Variants in TLE3 observed in about 807,000 individuals in gnomAD.
TLE3 encodes TLE family member 3, transcriptional corepressor.
A neutral mutation model predicts 93.0 loss-of-function variants in TLE3; 14 were observed. That is an observed-to-expected ratio of 0.15 (90% CI 0.10 to 0.24). TLE3 has a LOEUF of 0.24. TLE3 is among the 10% of genes least tolerant of loss of function. TLE3 has a pLI of 1.00. For synonymous variants in TLE3, 451 were observed against 425.0 expected, an observed-to-expected ratio of 1.06 and a Z score of -0.75; for missense variants, 693 against 1,046.6, an observed-to-expected ratio of 0.66 and a Z score of 4.66.
intron 1 of TLE3, chr15:70,096,497 G>A (rs1278313902): frequency 8.4e-7 from 1 of 1,186,846 alleles, no homozygotes; most frequent in Admixed American, 2.3e-5. Flanking sequence ...GTAAGGCGGG[G>A]GCGGGAGACA....
At chr15:70,054,298 AC>A in intron 16 of TLE3, 139 bp downstream of exon 16, 1 of 1,255,242 alleles carries the variant, frequency 8.0e-7, no homozygotes, top group South Asian at 1.5e-5. Flanking sequence ...CTGTCTTTTC[AC>A]CTGTGCATCC....
chr15:70,074,693 G>C, intron 5 of TLE3, 86 bp from the exon 6 acceptor site: 5 of 1,161,962 alleles, frequency 4.3e-6, no homozygotes, highest in Non-Finnish European at 6.1e-6. Flanking sequence ...AGGGCCTCTC[G>C]GAGAGGCCCA....
intron 2 of TLE3, chr15:70,095,932 G>A (rs1416693209): frequency 2.6e-5 from 17 of 644,872 alleles, no homozygotes; most frequent in South Asian, 1.6e-4. Context: ...CGCTCGCCGC[G>A]ACCTAGACCC....
chr15:70,079,224 T>C, intron 4 of TLE3: 1 of 345,970 alleles, frequency 2.9e-6, no homozygotes. Flanking sequence ...ATCGCAACAA[T>C]GCCACACAGA....
intron 13 of TLE3, among the ~76,000 whole-genome samples, chr15:70,056,946 A>C (rs2056087702): frequency 6.6e-6 from 1 of 152,070 alleles, no homozygotes; most frequent in Non-Finnish European, 1.5e-5. Context: ...ATGAGGTTTC[A>C]CCACGTTGGC....
rs116575909 is a variant in TLE3, at chr15:70,051,022, C to T, written c.2202+369G>A. On this transcript the variant is annotated intron_variant, in intron 19 of 19. Coordinates refer to ENST00000451782, the MANE Select transcript of TLE3 (RefSeq NM_001105192.3). ...ACTCACTTGAGGAGGCAACACTGCT[C>T]TGGGCAAGGCTGCCGGGTGCCCAGG... 2.6e-3 allele frequency: 462 copies of T among 176,542 alleles called. 4 individuals are homozygous for T. Among genetic ancestry groups the T allele is most frequent in the African/African-American group, 0.011 (445 of 42,054 alleles). The allele number at this position is 176,542 out of a possible 1,614,324, so 10.9% of individuals were successfully genotyped here.
At chr15:70,063,422 G>A (rs936246958) in intron 8 of TLE3, among the ~76,000 whole-genome samples, 2 of 152,208 alleles carry the variant, frequency 1.3e-5, no homozygotes, top group African/African-American at 2.4e-5. Flanking sequence ...TGAGCATGTA[G>A]GCGGGTCAAG....
intron 4 of TLE3, among the ~76,000 whole-genome samples, chr15:70,077,927 T>C (rs1477458831): frequency 2.6e-5 from 4 of 152,178 alleles, no homozygotes; most frequent in South Asian, 2.1e-4. Context: ...GGACTCCACA[T>C]TGACACATGT....
chr15:70,089,719 G>T (rs940979294), intron 4 of TLE3, among the ~76,000 whole-genome samples: 3 of 152,198 alleles, frequency 2.0e-5, no homozygotes, highest in Non-Finnish European at 2.9e-5. Flanking sequence ...CCAAGCTTAG[G>T]TCTTTGTCAC....
intron 4 of TLE3, among the ~76,000 whole-genome samples, chr15:70,076,472 A>C (rs533631354): frequency 2.6e-5 from 4 of 152,304 alleles, no homozygotes; most frequent in African/African-American, 9.6e-5. Flanking sequence ...AGCAAAACGA[A>C]ATAAAAATCA....
chr15:70,053,113 T>A, intron 17 of TLE3, 114 bp downstream of exon 17: 1 of 1,383,162 alleles, frequency 7.2e-7, no homozygotes, highest in Non-Finnish European at 9.7e-7. Context: ...TGGTCCCAAG[T>A]CTCTTGGCCG....
intron 3 of TLE3, 163 bp downstream of exon 3, chr15:70,095,415 G>C: frequency 6.7e-7 from 1 of 1,489,344 alleles, no homozygotes; most frequent in East Asian, 2.5e-5. Flanking sequence ...CCCGGCAATG[G>C]AAGCTGGGGA....
At position 70,097,414 on chromosome 15, in the gene TLE3, T is replaced by C. The variant is rs967407790; in HGVS notation, c.-616A>G. ...GGCGCGGGCGCTTCGACGCCCCCCC[T>C]CGGAGAGGAGAGCCTGCTGTTCCGT... On this transcript the variant is annotated 5_prime_UTR_variant, in exon 1 of 20. Transcript: ENST00000451782. 1 of 410,410 alleles carries C rather than the reference T, an allele frequency of 2.4e-6. No homozygotes were observed. Among genetic ancestry groups the C allele is most frequent in the East Asian group, 3.6e-5 (1 of 28,116 alleles). 25.4% of individuals were successfully genotyped at this position (410,410 alleles called of 1,614,324 possible).
intron 19 of TLE3, chr15:70,051,184 G>A (rs2055502387): frequency 2.1e-6 from 1 of 475,402 alleles, no homozygotes; most frequent in African/African-American, 2.0e-5. Context: ...ATCAGTAGCA[G>A]ATTGTGTGTC....
At chr15:70,061,869 A>C (rs980812285) in intron 8 of TLE3, among the ~76,000 whole-genome samples, 8 of 150,432 alleles carry the variant, frequency 5.3e-5, no homozygotes, top group African/African-American at 2.0e-4. Flanking sequence ...CCCAGTCCCC[A>C]TGCAACACAG....
rs530193783 is a variant in TLE3, at chr15:70,076,147, C to T, written c.246G>A (p.Ala82=). 2.2e-5 allele frequency: 35 copies of T among 1,613,970 alleles called. No homozygotes were observed. The East Asian group carries it at 3.8e-4, about 17-fold the overall frequency. Residue 82 remains alanine, a synonymous_variant, in exon 5 of 20, where the codon GCG becomes GCA. Transcript: ENST00000451782. ...NIEMHKQTEI[A]KRLNTILAQI... ...GTGCTAAAATTGTGTTCAGTCTCTT[C>T]GCAATCTCTGTCTGCAAAGGCAAGG... is the stretch of plus-strand genomic sequence containing the variant.
At chr15:70,092,726 C>T (rs2058363150) in intron 4 of TLE3, among the ~76,000 whole-genome samples, 1 of 152,208 alleles carries the variant, frequency 6.6e-6, no homozygotes, top group Non-Finnish European at 1.5e-5. Context: ...ACTCTTCCTG[C>T]GTTCACAGCA....
intron 17 of TLE3, chr15:70,053,021 G>GA: frequency 1.7e-6 from 1 of 580,342 alleles, no homozygotes. Flanking sequence ...TCCACAGTTG[G>GA]GCCAAATGTG....
In TLE3 at chr15:70,057,619, T is replaced by A. The variant is rs1233537980; in HGVS notation, c.1091A>T (p.Tyr364Phe). 1.3e-6 allele frequency: 2 copies of A among 1,588,186 alleles called. No individual in the cohort carries two copies. The highest frequency in any genetic ancestry group is 2.3e-5 in the East Asian group (1 of 43,934). Reference protein sequence around the residue: ...LRTPISITSSYAAPFAMMSHH... With the variant: ...LRTPISITSSFAAPFAMMSHH... ...GCTCATCATGGCGAAGGGCGCCGCA[T>A]AGGAGCTGGTGATGGAGATGGGCGT... Residue 364 changes from tyrosine (Y) to phenylalanine (F), a missense_variant, in exon 13 of 20, where the codon TAT becomes TTT. By Grantham distance (22) the Tyr-to-Phe change is conservative. Transcript: ENST00000451782.
Sources: gnomAD v4.1 joint callset for allele counts (sites outside exome capture counted in the v4.1 genomes callset) on GRCh38, gnomAD v4.1.1 for gene constraint, MANE v1.5 for transcripts, NCBI Gene and HGNC (gene_info 2026-07-23, HGNC 2026-07-21) for gene names.